Variants in LRRIQ3 observed in about 807,000 individuals in gnomAD.
LRRIQ3 encodes leucine rich repeats and IQ motif containing 3.
In LRRIQ3, 75 loss-of-function variants were observed where a neutral mutation model predicts 59.3. The observed-to-expected ratio is 1.26, with a 90% CI of 1.05 to 1.53. The LOEUF is 1.53. Among genes scored for constraint, LRRIQ3 ranks in the 40% most tolerant of loss-of-function variants. The pLI is 0.00. For missense variants in LRRIQ3, 831 were observed against 710.0 expected, an observed-to-expected ratio of 1.17 and a Z score of -1.94; for synonymous variants, 250 against 231.3, an observed-to-expected ratio of 1.08 and a Z score of -0.73.
chr1:74,120,119 ATGT>A (rs2100583892), intron 4 of LRRIQ3, among the ~76,000 whole-genome samples: 1 of 150,896 alleles, frequency 6.6e-6, no homozygotes, highest in Non-Finnish European at 1.5e-5. Context: ...TATTTTTTGT[ATGT>A]TGTTTTTTTT....
chr1:74,075,935 T>C (rs534528430), intron 5 of LRRIQ3, among the ~76,000 whole-genome samples: 2 of 152,318 alleles, frequency 1.3e-5, no homozygotes, highest in South Asian at 4.1e-4. Flanking sequence ...ACAGGCCCTG[T>C]ATCTTAAGGA....
intron 6 of LRRIQ3, among the ~76,000 whole-genome samples, chr1:74,060,177 T>G (rs1654661059): frequency 6.7e-6 from 1 of 149,734 alleles, no homozygotes; most frequent in African/African-American, 2.5e-5. Context: ...CGTCATCTTC[T>G]TCTTCTTCTT....
intron 7 of LRRIQ3, among the ~76,000 whole-genome samples, chr1:74,034,478 G>A (rs1188428367): frequency 6.6e-6 from 1 of 151,560 alleles, no homozygotes; most frequent in East Asian, 1.9e-4. Flanking sequence ...AATTAATTAT[G>A]GCCAGATATT....
chr1:74,130,605 G>T (rs1001647856), intron 4 of LRRIQ3, among the ~76,000 whole-genome samples: 9 of 152,090 alleles, frequency 5.9e-5, no homozygotes, highest in Non-Finnish European at 1.0e-4. Flanking sequence ...TCTTATAAAT[G>T]TGATTTTTTT....
intron 3 of LRRIQ3, among the ~76,000 whole-genome samples, chr1:74,169,752 G>T (rs1473330829): frequency 6.6e-6 from 1 of 151,974 alleles, no homozygotes; most frequent in African/African-American, 2.4e-5. Flanking sequence ...GTCTTGTTAT[G>T]TTGTCCAGGT....
chr1:74,119,933 C>T (rs529996346), intron 4 of LRRIQ3, among the ~76,000 whole-genome samples: 101 of 152,110 alleles, frequency 6.6e-4, no homozygotes, highest in African/African-American at 2.4e-3. Flanking sequence ...AAGCATATTT[C>T]CCAGTATCTC....
chr1:74,097,245 T>A (rs1044369499), intron 5 of LRRIQ3, among the ~76,000 whole-genome samples: 1 of 152,018 alleles, frequency 6.6e-6, no homozygotes, highest in African/African-American at 2.4e-5. Context: ...AACCATGGCA[T>A]GAGAACTACA....
At chr1:74,159,087 A>G (rs1179836927) in intron 3 of LRRIQ3, among the ~76,000 whole-genome samples, 1 of 152,082 alleles carries the variant, frequency 6.6e-6, no homozygotes, top group Non-Finnish European at 1.5e-5. Flanking sequence ...ATTTATTTAT[A>G]GTCTTGTTTA....
chr1:74,045,888 T>C (rs1248039529), intron 6 of LRRIQ3, among the ~76,000 whole-genome samples: 8 of 151,822 alleles, frequency 5.3e-5, no homozygotes, highest in African/African-American at 1.9e-4. Context: ...TACCTAGGAG[T>C]ACAGCTAACA....
chr1:74,170,269 G>T (rs926232043), intron 3 of LRRIQ3, among the ~76,000 whole-genome samples: 1 of 152,096 alleles, frequency 6.6e-6, no homozygotes, highest in Non-Finnish European at 1.5e-5. Context: ...ATGTCAAGAA[G>T]GTTTTCCCCT....
intron 6 of LRRIQ3, among the ~76,000 whole-genome samples, chr1:74,051,508 T>C (rs1454285411): frequency 1.3e-5 from 2 of 152,214 alleles, no homozygotes; most frequent in African/African-American, 2.4e-5. Flanking sequence ...TAGTGGTATA[T>C]TAAATCATTA....
chr1:74,072,306 T>C (rs1397674225), intron 6 of LRRIQ3, among the ~76,000 whole-genome samples: 1 of 152,072 alleles, frequency 6.6e-6, no homozygotes, highest in African/African-American at 2.4e-5. Context: ...AGATATGTAA[T>C]TGATAATACC....
At chr1:74,093,541 C>T (rs1326225696) in intron 5 of LRRIQ3, among the ~76,000 whole-genome samples, 1 of 151,994 alleles carries the variant, frequency 6.6e-6, no homozygotes, top group Non-Finnish European at 1.5e-5. Context: ...TATATCTTGT[C>T]TAAGTGAAGC....
intron 3 of LRRIQ3, among the ~76,000 whole-genome samples, chr1:74,164,241 A>G (rs1273293465): frequency 6.6e-6 from 1 of 151,506 alleles, no homozygotes; most frequent in Non-Finnish European, 1.5e-5. Context: ...ATACTGAATT[A>G]CTAACCCCCA....
intron 5 of LRRIQ3, among the ~76,000 whole-genome samples, chr1:74,099,164 C>A (rs1013725546): frequency 1.1e-4 from 16 of 151,848 alleles, no homozygotes; most frequent in Non-Finnish European, 1.9e-4. Context: ...ACTAGCAAGA[C>A]TAATAAAGAA....
At chr1:74,196,981 C>T (rs1180428566) in intron 1 of LRRIQ3, among the ~76,000 whole-genome samples, 3 of 152,182 alleles carry the variant, frequency 2.0e-5, no homozygotes, top group Non-Finnish European at 4.4e-5. Flanking sequence ...CAAAATTCTT[C>T]CTATGGCCCT....
intron 6 of LRRIQ3, among the ~76,000 whole-genome samples, chr1:74,047,462 C>T (rs575312377): frequency 3.9e-5 from 6 of 151,948 alleles, no homozygotes; most frequent in South Asian, 2.1e-4. Context: ...GGCTAGGGGA[C>T]GGATAGCATT....
intron 7 of LRRIQ3, among the ~76,000 whole-genome samples, chr1:74,037,413 G>A (rs1228917522): frequency 6.6e-6 from 1 of 152,038 alleles, no homozygotes; most frequent in Non-Finnish European, 1.5e-5. Context: ...TGAGGGGGAC[G>A]GATCACCTGA....
intron 4 of LRRIQ3, among the ~76,000 whole-genome samples, chr1:74,143,407 T>C (rs1458095230): frequency 1.3e-5 from 2 of 151,938 alleles, no homozygotes; most frequent in African/African-American, 2.4e-5. Context: ...TTAAATAGTA[T>C]TGCCTTGAAT....
Sources: gnomAD v4.1 joint callset for allele counts (sites outside exome capture counted in the v4.1 genomes callset) on GRCh38, gnomAD v4.1.1 for gene constraint, MANE v1.5 for transcripts, NCBI Gene and HGNC (gene_info 2026-07-23, HGNC 2026-07-21) for gene names.